RFK: variants seen among roughly 807,000 people sequenced by gnomAD.
The protein encoded by RFK is riboflavin kinase.
Under a neutral mutation model 17.6 loss-of-function variants are expected in RFK, and 4 were observed. The observed-to-expected ratio is 0.23, with a 90% confidence interval of 0.11 to 0.52. The LOEUF is 0.52. Among genes scored for constraint, RFK ranks in the 20% least tolerant of loss-of-function variants. RFK has a pLI of 0.96. For missense variants in RFK, 189 were observed against 187.7 expected (o/e 1.01, Z -0.04); for synonymous variants, 59 against 63.8 (o/e 0.92, Z 0.36).
rs970967283 is a variant in RFK, at chr9:76,386,781, T to C, written c.*618A>G. 3 of 152,214 alleles carry C rather than the reference T, an allele frequency of 2.0e-5. No homozygotes were observed. Among genetic ancestry groups the C allele is most frequent in the African/African-American group, 7.2e-5 (3 of 41,456 alleles). The allele number at this position is 152,214 out of a possible 1,614,324, so 9.4% of individuals were successfully genotyped here. ...CAAACATCTTCATGTTTGTAATGTA[T>C]TAATGCACAAAATATCAAAAATAGA... On this transcript the variant is annotated 3_prime_UTR_variant, in exon 4 of 4. Transcript: ENST00000376736.
chr9:76,388,062 ATGTACAC>A (rs1822762757), intron 3 of RFK: 1 of 343,292 alleles, frequency 2.9e-6, no homozygotes. Flanking sequence ...ATAGGCATAA[ATGTACAC>A]TGCAAATATC....
intron 2 of RFK, among the ~76,000 whole-genome samples, chr9:76,389,040 G>C (rs1822780876): frequency 6.6e-6 from 1 of 152,246 alleles, no homozygotes; most frequent in Admixed American, 6.5e-5. Flanking sequence ...GTTAAGGTCA[G>C]TCAGCATTTG....
chr9:76,392,474 T>C lies in RFK; in HGVS notation c.178A>G (p.Lys60Glu). The change falls in exon 2 of 4, where the codon AAG becomes GAG. Residue 60 changes from lysine to glutamate, a missense_variant. Transcript: ENST00000376736. ...WASVGSGDVHKMVVSIGWNPY... is the reference protein window; with the variant it reads ...WASVGSGDVHEMVVSIGWNPY... ...TTCCATCCTATGCTCACCACCATCT[T>C]ATGGACATCTCCACTTCCAACACTG... The C allele has an allele frequency of 6.2e-7, 1 of 1,614,186 alleles. No individual in the cohort carries two copies. Among genetic ancestry groups the C allele is most frequent in the Non-Finnish European group, 8.5e-7 (1 of 1,180,014 alleles).
At chr9:76,393,414 C>T (rs1482477127) in intron 1 of RFK, among the ~76,000 whole-genome samples, 1 of 151,914 alleles carries the variant, frequency 6.6e-6, no homozygotes, top group East Asian at 1.9e-4. Flanking sequence ...ACCATGTTGG[C>T]CAGGCTGATC....
chr9:76,388,032 T>TTA (rs776580975), intron 3 of RFK: 10 of 312,230 alleles, frequency 3.2e-5, no homozygotes, highest in Non-Finnish European at 5.6e-5. Context: ...GTCCCTAATC[T>TTA]TATATTTTAA....
At chr9:76,388,397 G>C in intron 3 of RFK, 157 bp downstream of exon 3, 1 of 644,168 alleles carries the variant, frequency 1.6e-6, no homozygotes. Context: ...CCTCACAGGT[G>C]AAAGAAGATA....
At chr9:76,389,869 T>TCCCATTGAAGTA in intron 2 of RFK, among the ~76,000 whole-genome samples, 1 of 152,296 alleles carries the variant, frequency 6.6e-6, no homozygotes, top group Non-Finnish European at 1.5e-5. Flanking sequence ...CAAAGTAATC[T>TCCCATTGAAGTA]ACGAATTCAA....
rs1288441281 is a variant in RFK, at chr9:76,387,306, TTTGA to T, written c.*89_*92del. 1 of 1,195,788 alleles carries T rather than the reference TTTGA, an allele frequency of 8.4e-7. No individual in the cohort carries two copies. The highest frequency in any genetic ancestry group is 1.2e-6 in the Non-Finnish European group (1 of 845,320). 74.1% of individuals were successfully genotyped at this position (1,195,788 alleles called of 1,614,324 possible). A position where few individuals can be genotyped will look rare whatever the true frequency, so the allele number is the denominator to read the frequency against. On this transcript the variant is annotated 3_prime_UTR_variant, in exon 4 of 4. Transcript: ENST00000376736. Reference sequence around the variant, plus strand: ...ACTAATTCACAACTGTAGTAAAGTGTTTGATTTTCAGTATATAACCAAGATGATG... The same window carrying T: ...ACTAATTCACAACTGTAGTAAAGTGTTTTTCAGTATATAACCAAGATGATG...
Position 76,394,419 on chromosome 9 carries a change from A to C in RFK, c.-248T>G. The C allele has an allele frequency of 2.3e-6, 1 of 430,076 alleles. No individual in the cohort carries two copies. Among genetic ancestry groups the C allele is most frequent in the Non-Finnish European group, 4.1e-6 (1 of 242,942 alleles). The allele number at this position is 430,076 out of a possible 1,614,324, so 26.6% of individuals were successfully genotyped here. A position where few individuals can be genotyped will look rare whatever the true frequency, so the allele number is the denominator to read the frequency against. On this transcript the variant is annotated 5_prime_UTR_variant, in exon 1 of 4. Coordinates refer to ENST00000376736, the MANE Select transcript of RFK (RefSeq NM_018339.6). ...CGCTGGAGGGCAGCGGAGACAGCCG[A>C]AGTAAGTGCCGGGTGTGAGCGGGGT... is the stretch of plus-strand genomic sequence containing the variant.
chr9:76,388,271 A>G (rs1200963120), intron 3 of RFK: 1 of 551,470 alleles, frequency 1.8e-6, no homozygotes, highest in Non-Finnish European at 3.5e-6. Flanking sequence ...ACCGCTGGAG[A>G]GAAGCAGCCA....
chr9:76,388,732 T>C (rs1822776978), intron 2 of RFK, 76 bp from the exon 3 acceptor site: 2 of 802,460 alleles, frequency 2.5e-6, no homozygotes, highest in African/African-American at 1.7e-5. Flanking sequence ...TTCATGTTTA[T>C]GGTGAGTTAA....
In RFK at chr9:76,386,773, G is replaced by A. The variant is rs1822738563; in HGVS notation, c.*626C>T. 1 of 152,186 alleles carries A rather than the reference G, an allele frequency of 6.6e-6. No homozygotes were observed. Among genetic ancestry groups the A allele is most frequent in the Admixed American group, 6.5e-5 (1 of 15,282 alleles). The allele number at this position is 152,186 out of a possible 1,614,324, so 9.4% of individuals were successfully genotyped here. ...AAACTTTACAAACATCTTCATGTTT[G>A]TAATGTATTAATGCACAAAATATCA... is the stretch of plus-strand genomic sequence containing the variant. On this transcript the variant is annotated 3_prime_UTR_variant, in exon 4 of 4. Coordinates refer to ENST00000376736, the MANE Select transcript of RFK (RefSeq NM_018339.6).
chr9:76,392,694 G>T, intron 1 of RFK, 125 bp from the exon 2 acceptor site: 3 of 899,314 alleles, frequency 3.3e-6, no homozygotes, highest in Non-Finnish European at 1.7e-6. Context: ...CTCATGTTGA[G>T]CTCTGGGGTT....
At chr9:76,388,471 T>C in intron 3 of RFK, 83 bp downstream of exon 3, 1 of 833,740 alleles carries the variant, frequency 1.2e-6, no homozygotes. Flanking sequence ...TTATCTGTCC[T>C]GCCATCATTA....
chr9:76,388,322 G>C, intron 3 of RFK: 1 of 617,576 alleles, frequency 1.6e-6, no homozygotes, highest in South Asian at 1.5e-5. Context: ...TTTACTATGT[G>C]ACTTTGAGAA....
intron 3 of RFK, 128 bp downstream of exon 3, chr9:76,388,426 A>C: frequency 1.5e-6 from 1 of 678,036 alleles, no homozygotes. Context: ...TAAAGCACTT[A>C]AAACGGTGCC....
chr9:76,387,721 CG>C, intron 3 of RFK, 192 bp from the exon 4 acceptor site: 3 of 393,766 alleles, frequency 7.6e-6, no homozygotes, highest in Non-Finnish European at 9.1e-6. Flanking sequence ...GTCCCTAGGC[CG>C]GGGGCAGTGG....
chr9:76,392,315 C>T lies in RFK; in HGVS notation c.234+103G>A, dbSNP rs141988803. The T allele has an allele frequency of 2.4e-4, 285 of 1,198,446 alleles. No homozygotes were observed. The African/African-American group carries it at 3.4e-3, about 14-fold the overall frequency. 74.2% of individuals were successfully genotyped at this position (1,198,446 alleles called of 1,614,324 possible). A position where few individuals can be genotyped will look rare whatever the true frequency, so the allele number is the denominator to read the frequency against. On this transcript the variant is annotated intron_variant, in intron 2 of 3. Coordinates refer to ENST00000376736, the MANE Select transcript of RFK (RefSeq NM_018339.6). ...GCCCAAAATTCCAGTATTTGAACTA[C>T]GTTGTGATTACCACTGATAAGCTAT...
intron 2 of RFK, among the ~76,000 whole-genome samples, chr9:76,389,157 A>G (rs1305247175): frequency 6.6e-6 from 1 of 152,194 alleles, no homozygotes; most frequent in Non-Finnish European, 1.5e-5. Flanking sequence ...GTAAAGTGGC[A>G]AAAGGGTACA....
Sources: gnomAD v4.1 joint callset for allele counts (sites outside exome capture counted in the v4.1 genomes callset) on GRCh38, gnomAD v4.1.1 for gene constraint, MANE v1.5 for transcripts, NCBI Gene and HGNC (gene_info 2026-07-23, HGNC 2026-07-21) for gene names.